SYNDIG1: variants seen among roughly 807,000 people sequenced by gnomAD.
The protein encoded by SYNDIG1 is synapse differentiation inducing 1.
SYNDIG1 carries 9 observed loss-of-function variants against 19.4 expected under a neutral mutation model. The ratio of observed to expected loss-of-function variants is 0.46; its 90% confidence interval spans 0.28 to 0.81. The LOEUF (loss-of-function observed/expected upper bound fraction) is 0.81, where lower values mean the gene tolerates loss of function less well. Among genes scored for constraint, SYNDIG1 ranks in the 30% least tolerant of loss-of-function variants. SYNDIG1 has a pLI of 0.12. For missense variants in SYNDIG1, 311 were observed against 343.3 expected (o/e 0.91, Z 0.74); for synonymous variants, 141 against 145.9 (o/e 0.97, Z 0.24).
At chr20:24,482,290 G>A (rs2055820592) in intron 1 of SYNDIG1, among the ~76,000 whole-genome samples, 2 of 152,166 alleles carry the variant, frequency 1.3e-5, no homozygotes, top group Non-Finnish European at 2.9e-5. Flanking sequence ...TGCAACCTCT[G>A]TCTCCCCTGA....
rs2056236805 is a variant in SYNDIG1, at chr20:24,494,223, G to T, written c.-79+24470G>T. Among the ~76,000 whole-genome samples, 3 of 152,238 alleles carry T rather than the reference G, an allele frequency of 2.0e-5. No homozygotes were observed. The South Asian group carries it at 6.2e-4, about 32-fold the overall frequency. The stretch of plus-strand genomic sequence containing the variant: ...TGAGAAGCACAGCAGGGCAGTATGT[G>T]TGGGACTTGTGGTGTAAGGGAAGAT... On this transcript the variant is annotated intron_variant, in intron 1 of 3. Coordinates refer to ENST00000376862, the MANE Select transcript of SYNDIG1 (RefSeq NM_024893.3).
At chr20:24,622,012 G>A (rs914164950) in intron 3 of SYNDIG1, among the ~76,000 whole-genome samples, 1 of 152,108 alleles carries the variant, frequency 6.6e-6, no homozygotes, top group African/African-American at 2.4e-5. Flanking sequence ...TTACAAGGCA[G>A]GCCAAAAGTC....
At chr20:24,620,254 A>T (rs2059017793) in intron 3 of SYNDIG1, among the ~76,000 whole-genome samples, 2 of 152,098 alleles carry the variant, frequency 1.3e-5, no homozygotes, top group Non-Finnish European at 2.9e-5. Context: ...TATGCTCATG[A>T]TTTCTTTGGT....
At chr20:24,482,650 A>G (rs1459875303) in intron 1 of SYNDIG1, among the ~76,000 whole-genome samples, 1 of 152,220 alleles carries the variant, frequency 6.6e-6, no homozygotes, top group African/African-American at 2.4e-5. Flanking sequence ...ACTGTCAGAA[A>G]AAAACTAAAT....
intron 3 of SYNDIG1, among the ~76,000 whole-genome samples, chr20:24,642,403 C>T (rs753924347): frequency 2.0e-5 from 3 of 152,154 alleles, no homozygotes; most frequent in Non-Finnish European, 4.4e-5. Context: ...CTCTTTCCCC[C>T]TTCCCATGCT....
chr20:24,609,946 C>G (rs972875188), intron 3 of SYNDIG1, among the ~76,000 whole-genome samples: 27 of 152,136 alleles, frequency 1.8e-4, no homozygotes. Flanking sequence ...CCTATGTTCC[C>G]AGGCCCATCC....
intron 1 of SYNDIG1, among the ~76,000 whole-genome samples, chr20:24,475,495 A>G (rs1185266608): frequency 6.6e-6 from 1 of 152,204 alleles, no homozygotes; most frequent in Admixed American, 6.5e-5. Flanking sequence ...ATGGCACAGG[A>G]CCAGTAGGGC....
At chr20:24,582,948 G>C (rs953835347) in intron 2 of SYNDIG1, among the ~76,000 whole-genome samples, 1 of 152,164 alleles carries the variant, frequency 6.6e-6, no homozygotes, top group Non-Finnish European at 1.5e-5. Context: ...GGCACTTCAG[G>C]TCCCTGCCCT....
Position 24,639,622 on chromosome 20 carries a change from C to T in SYNDIG1, c.619-25724C>T, listed in dbSNP as rs139597801. 3.5e-3 allele frequency among the ~76,000 whole-genome samples: 540 copies of T among 152,240 alleles called. 7 individuals are homozygous for T. The highest frequency in any genetic ancestry group is 0.013 in the African/African-American group (524 of 41,542). On this transcript the variant is annotated intron_variant, in intron 3 of 3. Coordinates refer to ENST00000376862, the MANE Select transcript of SYNDIG1 (RefSeq NM_024893.3). ...TTGACCAGGACAGAATGGCATCCTG[C>T]GGTATCAATGTGGTTTATTTGTTGT... is the stretch of plus-strand genomic sequence containing the variant.
chr20:24,522,815 G>T (rs2057033032), intron 1 of SYNDIG1, among the ~76,000 whole-genome samples: 1 of 152,198 alleles, frequency 6.6e-6, no homozygotes. Context: ...CATGGCAGAA[G>T]GGGAAGTGGC....
At chr20:24,571,203 A>T (rs567385433) in intron 2 of SYNDIG1, among the ~76,000 whole-genome samples, 1 of 152,290 alleles carries the variant, frequency 6.6e-6, no homozygotes, top group South Asian at 2.1e-4. Flanking sequence ...GCATACATCT[A>T]TACATGCAAC....
intron 3 of SYNDIG1, among the ~76,000 whole-genome samples, chr20:24,594,225 G>T (rs2058559361): frequency 1.3e-5 from 2 of 152,236 alleles, no homozygotes; most frequent in South Asian, 4.1e-4. Context: ...GTGAGGAAGG[G>T]ATACAGCTTC....
At chr20:24,563,675 C>T (rs2057987111) in intron 2 of SYNDIG1, among the ~76,000 whole-genome samples, 2 of 152,196 alleles carry the variant, frequency 1.3e-5, no homozygotes, top group African/African-American at 4.8e-5. Context: ...AATCTTGGCT[C>T]AGTTAAGCCT....
chr20:24,650,897 G>A (rs1166582086), intron 3 of SYNDIG1, among the ~76,000 whole-genome samples: 2 of 152,042 alleles, frequency 1.3e-5, no homozygotes, highest in African/African-American at 4.8e-5. Context: ...GTGTAGTGGT[G>A]CGATCTCGGC....
chr20:24,597,067 T>C (rs41297636), intron 3 of SYNDIG1: 4,668 of 152,384 alleles, frequency 0.031, 152 homozygotes, highest in African/African-American at 0.084. Context: ...TGACCCTGTC[T>C]TCCACTGGGA....
chr20:24,527,466 T>C (rs2057148661), intron 1 of SYNDIG1, among the ~76,000 whole-genome samples: 1 of 152,166 alleles, frequency 6.6e-6, no homozygotes, highest in African/African-American at 2.4e-5. Context: ...TAAAAATATG[T>C]AAAGTCCTTG....
At chr20:24,622,200 A>C (rs1043985034) in intron 3 of SYNDIG1, among the ~76,000 whole-genome samples, 1 of 152,252 alleles carries the variant, frequency 6.6e-6, no homozygotes, top group Non-Finnish European at 1.5e-5. Flanking sequence ...AAGAAATGCC[A>C]GTAATACAAA....
chr20:24,561,560 G>C (rs2057946566), intron 2 of SYNDIG1, among the ~76,000 whole-genome samples: 1 of 152,106 alleles, frequency 6.6e-6, no homozygotes, highest in African/African-American at 2.4e-5. Flanking sequence ...AGCAGCCCAG[G>C]GCAAGAACAC....
At chr20:24,577,570 A>T (rs2058249925) in intron 2 of SYNDIG1, among the ~76,000 whole-genome samples, 1 of 152,206 alleles carries the variant, frequency 6.6e-6, no homozygotes, top group South Asian at 2.1e-4. Context: ...CCACTTCCAC[A>T]CACCTGTGAT....
Sources: allele counts gnomAD v4.1 joint callset (sites outside exome capture counted in the v4.1 genomes callset), GRCh38; gene constraint gnomAD v4.1.1; transcripts MANE v1.5; gene names NCBI Gene and HGNC (gene_info 2026-07-23, HGNC 2026-07-21).